PCCB: variants seen among roughly 807,000 people sequenced by gnomAD.
PCCB encodes the protein propionyl-CoA carboxylase beta chain, mitochondrial.
PCCB carries 43 observed loss-of-function variants against 60.7 expected under a neutral mutation model. The observed-to-expected ratio is 0.71, with a 90% CI of 0.55 to 0.91. The LOEUF is 0.91. Among genes scored for constraint, PCCB ranks in the 40% least tolerant of loss-of-function variants. The pLI is 0.00. For missense variants in PCCB, 766 were observed against 702.8 expected (o/e 1.09, Z -1.02); for synonymous variants, 276 against 255.9 (o/e 1.08, Z -0.75).
chr3:136,318,314 C>T (rs562233060), intron 10 of PCCB, among the ~76,000 whole-genome samples: 9 of 151,828 alleles, frequency 5.9e-5, no homozygotes, highest in Non-Finnish European at 8.8e-5. Flanking sequence ...TGTCACTGCC[C>T]GGGAGGCAGA....
chr3:136,259,778 A>G (rs1941771274), intron 3 of PCCB, among the ~76,000 whole-genome samples: 2 of 152,196 alleles, frequency 1.3e-5, no homozygotes, highest in Non-Finnish European at 2.9e-5. Flanking sequence ...TTAAATACAG[A>G]GTCTCGCTCT....
At chr3:136,323,006 T>G (rs907311479) in intron 10 of PCCB, among the ~76,000 whole-genome samples, 107 of 151,972 alleles carry the variant, frequency 7.0e-4, no homozygotes, top group African/African-American at 2.5e-3. Context: ...GAGTTTTTTT[T>G]TTTTTTTTTT....
intron 5 of PCCB, among the ~76,000 whole-genome samples, chr3:136,281,585 A>G (rs1338621700): frequency 6.6e-6 from 1 of 152,126 alleles, no homozygotes; most frequent in Non-Finnish European, 1.5e-5. Context: ...TTCATGTGCC[A>G]TCTTTGACTA....
chr3:136,279,111 A>G (rs1039172703), intron 5 of PCCB, among the ~76,000 whole-genome samples: 1 of 152,146 alleles, frequency 6.6e-6, no homozygotes, highest in African/African-American at 2.4e-5. Context: ...ATAGCCACCT[A>G]GGGTCTATTT....
At chr3:136,316,219 C>CAATAAAAAA (rs1934886853) in intron 9 of PCCB, among the ~76,000 whole-genome samples, 1 of 102,186 alleles carries the variant, frequency 9.8e-6, no homozygotes. Context: ...GACCCTGTCT[C>CAATAAAAAA]AAAAAAAGAA....
intron 7 of PCCB, among the ~76,000 whole-genome samples, chr3:136,295,834 GTT>G (rs777323234): frequency 7.9e-5 from 11 of 138,766 alleles, no homozygotes; most frequent in Non-Finnish European, 7.9e-5. Context: ...TGTAACCTGA[GTT>G]TTTTTTTTTT....
chr3:136,301,051 T>G lies in PCCB; in HGVS notation c.906T>G (p.Leu302=), dbSNP rs139600424. 5.3e-5 allele frequency: 86 copies of G among 1,614,032 alleles called. No homozygotes were observed. The highest frequency in any genetic ancestry group is 6.9e-5 in the Non-Finnish European group (81 of 1,179,998). Residue 302 remains leucine, a synonymous_variant, in exon 9 of 15, where the codon CTT becomes CTG. Transcript: ENST00000251654. ...HDPSDRLVPE[L]DTIVPLESTK... ...AAAGTGACCGTCTGGTTCCTGAGCT[T>G]GACACAATTGTCCCTTTGGAATCAA...
At chr3:136,328,368 G>A (rs1383879883) in intron 13 of PCCB, among the ~76,000 whole-genome samples, 7 of 152,118 alleles carry the variant, frequency 4.6e-5, no homozygotes, top group Admixed American at 1.3e-4. Context: ...TTAGGGTACC[G>A]AAAAAGGGAA....
rs376144036 is a variant in PCCB at position 136,300,926 on chromosome 3, C to T, written c.885-104C>T. 1.1e-4 allele frequency: 85 copies of T among 804,260 alleles called. No individual in the cohort carries two copies. The East Asian group carries it at 1.1e-3, about 11-fold the overall frequency. 49.8% of individuals were successfully genotyped at this position (804,260 alleles called of 1,614,324 possible). A position where few individuals can be genotyped will look rare whatever the true frequency, so the allele number is the denominator to read the frequency against. On this transcript the variant is annotated intron_variant, in intron 8 of 14. Transcript: ENST00000251654. ...TAAGCCCAGCAGGGACAGAACTGGC[C>T]CAGTCCCTATGACGTGTCACCCCAT...
intron 5 of PCCB, among the ~76,000 whole-genome samples, chr3:136,279,015 C>G (rs1247663301): frequency 2.0e-5 from 3 of 152,106 alleles, no homozygotes; most frequent in African/African-American, 4.8e-5. Flanking sequence ...ATTTTTTTAA[C>G]TGGTATATTT....
At chr3:136,277,931 AG>A in intron 5 of PCCB, among the ~76,000 whole-genome samples, 2 of 152,258 alleles carry the variant, frequency 1.3e-5, no homozygotes, top group Admixed American at 1.3e-4. Context: ...TTGTGGCTGC[AG>A]TGCACTTCCC....
intron 5 of PCCB, among the ~76,000 whole-genome samples, chr3:136,268,096 A>ATATATATATG (rs1942072517): frequency 9.4e-5 from 10 of 106,552 alleles, no homozygotes; most frequent in Non-Finnish European, 1.6e-4. Context: ...AGATATATAT[A>ATATATATATG]TATATATATA....
intron 10 of PCCB, among the ~76,000 whole-genome samples, chr3:136,324,068 A>AT (rs2076935171): frequency 6.7e-6 from 1 of 149,106 alleles, no homozygotes; most frequent in Admixed American, 6.7e-5. Flanking sequence ...CAGAGACTAT[A>AT]TTTTTTGTCA....
chr3:136,298,364 T>A (rs545553761), intron 8 of PCCB, among the ~76,000 whole-genome samples: 2 of 152,288 alleles, frequency 1.3e-5, no homozygotes, highest in East Asian at 1.9e-4. Context: ...TTATCTAGAA[T>A]TAGAGATTCA....
chr3:136,327,075 G>A (rs923998804), intron 11 of PCCB, 80 bp from the exon 12 acceptor site: 9 of 1,368,580 alleles, frequency 6.6e-6, no homozygotes, highest in Non-Finnish European at 8.4e-6. Context: ...CTCCAGAGGT[G>A]GGAAAGACCT....
chr3:136,305,305 T>G (rs145542093), intron 9 of PCCB, among the ~76,000 whole-genome samples: 2,182 of 118,990 alleles, frequency 0.018, 617 homozygotes, highest in South Asian at 0.077. Context: ...TTGGCCAGGC[T>G]GGTCTCAAAC....
intron 10 of PCCB, among the ~76,000 whole-genome samples, chr3:136,323,810 A>AAAAG (rs1202059009): frequency 1.1e-4 from 17 of 151,414 alleles, no homozygotes; most frequent in African/African-American, 3.6e-4. Context: ...AACATCTCAA[A>AAAAG]AAAAAAAAAA....
intron 1 of PCCB, among the ~76,000 whole-genome samples, chr3:136,253,472 C>T (rs1159367074): frequency 6.6e-6 from 1 of 151,880 alleles, no homozygotes; most frequent in Non-Finnish European, 1.5e-5. Flanking sequence ...ACAACCTCTG[C>T]TTCCCAGGTT....
In PCCB at chr3:136,293,113, C is replaced by T. The variant is rs150256528; in HGVS notation, c.655-643C>T. 1.4e-4 allele frequency among the ~76,000 whole-genome samples: 21 copies of T among 152,168 alleles called. No homozygotes were observed. The East Asian group carries it at 1.5e-3, about 11-fold the overall frequency. ...CTCACTGCAACTCAAGTGATTGTCC[C>T]GCCTCACTCTCCTGAATAGCTAGGA... On this transcript the variant is annotated intron_variant, in intron 6 of 14. Transcript: ENST00000251654.
Sources: gnomAD v4.1 joint callset for allele counts (sites outside exome capture counted in the v4.1 genomes callset) on GRCh38, gnomAD v4.1.1 for gene constraint, MANE v1.5 for transcripts, NCBI Gene and HGNC (gene_info 2026-07-23, HGNC 2026-07-21) for gene names.